Variants in ANXA8 observed in about 807,000 individuals in gnomAD.
The protein encoded by ANXA8 is annexin A8.
ANXA8 carries 9 observed loss-of-function variants against 26.8 expected under a neutral mutation model. The observed-to-expected ratio is 0.34, with a 90% CI of 0.20 to 0.59. ANXA8 has a LOEUF of 0.59. Among genes scored for constraint, ANXA8 ranks in the 20% least tolerant of loss-of-function variants. The pLI is 0.84. For synonymous variants in ANXA8, 39 were observed against 94.8 expected (o/e 0.41, Z 3.42); for missense variants, 83 against 238.5 (o/e 0.35, Z 4.29).
At chr10:47,990,930 G>T in the ANXA8 span, among the ~76,000 whole-genome samples, 1 of 150,820 alleles carries the variant, frequency 6.6e-6, no homozygotes, top group African/African-American at 2.4e-5. Context: ...CTGGGCATGG[G>T]CTGCCCTGAG....
the ANXA8 span, among the ~76,000 whole-genome samples, chr10:47,948,846 A>G: frequency 4.0e-5 from 6 of 151,702 alleles, no homozygotes; most frequent in Admixed American, 1.3e-4. Flanking sequence ...TGGCTAAGAA[A>G]TGTGGGTGGG....
chr10:47,743,329 CAT>C, the ANXA8 span, among the ~76,000 whole-genome samples: 2,943 of 46,892 alleles, frequency 0.063, 144 homozygotes, highest in Admixed American at 0.081. Flanking sequence ...TATATATATA[CAT>C]ATATATATAC....
At chr10:47,659,900 G>T in the ANXA8 span, among the ~76,000 whole-genome samples, 1 of 151,356 alleles carries the variant, frequency 6.6e-6, no homozygotes, top group East Asian at 1.9e-4. Flanking sequence ...GGGAGTAGAG[G>T]TGTGCTCCAC....
At chr10:47,733,213 CTTTCTTTCT>C in the ANXA8 span, among the ~76,000 whole-genome samples, 4 of 68,432 alleles carry the variant, frequency 5.8e-5, no homozygotes, top group African/African-American at 2.0e-4. Context: ...TTCTTTCTTT[CTTTCTTTCT>C]CTTTCTTTCT....
chr10:47,768,905 G>A, the ANXA8 span, among the ~76,000 whole-genome samples: 12 of 150,686 alleles, frequency 8.0e-5, no homozygotes, highest in South Asian at 1.7e-3. Flanking sequence ...CTGGTAGTGC[G>A]AGTGTGGCTC....
At chr10:47,483,631 G>A (rs1839931088) in intron 1 of ANXA8, among the ~76,000 whole-genome samples, 1 of 143,870 alleles carries the variant, frequency 7.0e-6, no homozygotes, top group African/African-American at 2.7e-5. Flanking sequence ...CCCTGCAAGG[G>A]TCCCTCCCCT....
the ANXA8 span, among the ~76,000 whole-genome samples, chr10:47,947,822 A>G: frequency 6.6e-6 from 1 of 150,620 alleles, no homozygotes; most frequent in African/African-American, 2.5e-5. Flanking sequence ...AGATTAGTAC[A>G]ACAGGGTTCC....
chr10:47,966,208 G>A, the ANXA8 span, among the ~76,000 whole-genome samples: 1 of 93,594 alleles, frequency 1.1e-5, no homozygotes, highest in Non-Finnish European at 2.5e-5. Flanking sequence ...CAGTGGAACA[G>A]TGACGAAGAG....
chr10:47,894,584 ATGCACCACACACAC>A, the ANXA8 span, among the ~76,000 whole-genome samples: 7 of 138,084 alleles, frequency 5.1e-5, no homozygotes, highest in East Asian at 2.1e-4. Context: ...ACATCACACA[ATGCACCACACACAC>A]TGCACCACAC....
At chr10:47,678,763 C>T in the ANXA8 span, among the ~76,000 whole-genome samples, 3 of 151,254 alleles carry the variant, frequency 2.0e-5, no homozygotes, top group East Asian at 5.8e-4. Flanking sequence ...TCTGGGTGGC[C>T]AGGTGGGTGG....
the ANXA8 span, among the ~76,000 whole-genome samples, chr10:47,621,861 T>C: frequency 9.9e-6 from 1 of 100,862 alleles, no homozygotes; most frequent in South Asian, 3.4e-4. Flanking sequence ...ATTGACTCTA[T>C]ATACAAAGTC....
At chr10:47,652,394 C>T in the ANXA8 span, among the ~76,000 whole-genome samples, 5 of 151,742 alleles carry the variant, frequency 3.3e-5, no homozygotes, top group Non-Finnish European at 4.4e-5. Flanking sequence ...GCCAGGAGTT[C>T]GAGAACAGCC....
chr10:47,639,935 G>A, the ANXA8 span, among the ~76,000 whole-genome samples: 7 of 147,012 alleles, frequency 4.8e-5, no homozygotes, highest in African/African-American at 1.5e-4. Context: ...GCACCACCAT[G>A]TCCACCTATA....
chr10:47,560,462 GA>G, the ANXA8 span, among the ~76,000 whole-genome samples: 1 of 151,556 alleles, frequency 6.6e-6, no homozygotes, highest in African/African-American at 2.4e-5. Flanking sequence ...TAGAAGTAAT[GA>G]AACCAAGGTT....
chr10:47,949,901 A>T, the ANXA8 span, among the ~76,000 whole-genome samples: 4 of 150,570 alleles, frequency 2.7e-5, 1 homozygote, highest in African/African-American at 9.9e-5. Context: ...TTTATACCCA[A>T]CTATACTGAT....
At chr10:47,699,344 C>CAAA in the ANXA8 span, among the ~76,000 whole-genome samples, 65 of 54,092 alleles carry the variant, frequency 1.2e-3, no homozygotes, top group African/African-American at 2.3e-3. Flanking sequence ...ATTCTGTCTC[C>CAAA]AAAAAAAAAA....
chr10:47,501,138 A>G, the ANXA8 span, among the ~76,000 whole-genome samples: 2 of 138,796 alleles, frequency 1.4e-5, no homozygotes, highest in South Asian at 2.3e-4. Flanking sequence ...TCCTGACCTC[A>G]TGATCCGCCT....
chr10:47,941,043 TG>T, the ANXA8 span, among the ~76,000 whole-genome samples: 1 of 143,542 alleles, frequency 7.0e-6, no homozygotes, highest in Non-Finnish European at 1.5e-5. Context: ...CTTTATCACC[TG>T]ATTGTACTTC....
At chr10:47,484,755 A>G, upstream of ANXA8, 13 of 692,570 alleles carry the variant, frequency 1.9e-5, no homozygotes, top group South Asian at 2.7e-4. Context: ...AACAGGTTTC[A>G]TATTGCTTTG....
Sources: gnomAD v4.1 joint callset for allele counts (sites outside exome capture counted in the v4.1 genomes callset) on GRCh38, gnomAD v4.1.1 for gene constraint, MANE v1.5 for transcripts, NCBI Gene and HGNC (gene_info 2026-07-23, HGNC 2026-07-21) for gene names.